NAV2: variants seen among roughly 807,000 people sequenced by gnomAD.
NAV2 encodes the protein neuron navigator 2.
NAV2 carries 54 observed loss-of-function variants against 223.2 expected under a neutral mutation model. The observed-to-expected ratio is 0.24, with a 90% confidence interval of 0.19 to 0.30. The LOEUF (loss-of-function observed/expected upper bound fraction) is 0.30. Among genes scored for constraint, NAV2 ranks in the 10% least tolerant of loss-of-function variants. The pLI is 1.00. For synonymous variants in NAV2, 1,279 were observed against 1,239.3 expected (o/e 1.03, Z -0.67); for missense variants, 2,806 against 3,147.5 (o/e 0.89, Z 2.60).
In NAV2 at chr11:20,113,815, C is replaced by T. The variant is rs1482258340; in HGVS notation, c.6961-777C>T. ...TTTGAGCCCAGAAGTTCAAGACCAG[C>T]CTGGGCAATATAGAGAGATCCCATC... On this transcript the variant is annotated intron_variant, in intron 36 of 37. Coordinates refer to ENST00000349880, the MANE Select transcript of NAV2 (RefSeq NM_145117.5). 4.2e-4 allele frequency among the ~76,000 whole-genome samples: 64 copies of T among 152,044 alleles called. 2 individuals carry two copies. Among genetic ancestry groups the T allele is most frequent in the Admixed American group, 4.2e-3 (64 of 15,264 alleles).
At chr11:19,360,573 C>T (rs1853877035) in intron 1 of NAV2, among the ~76,000 whole-genome samples, 3 of 152,212 alleles carry the variant, frequency 2.0e-5, no homozygotes, top group Admixed American at 2.0e-4. Context: ...CACCCAAGTT[C>T]TTTGTCTGTC....
At chr11:19,592,497 C>T (rs563949489) in intron 1 of NAV2, among the ~76,000 whole-genome samples, 4 of 152,164 alleles carry the variant, frequency 2.6e-5, no homozygotes, top group South Asian at 4.2e-4. Context: ...TTTGTCATTG[C>T]CCCCACTATG....
intron 1 of NAV2, among the ~76,000 whole-genome samples, chr11:19,821,700 T>C (rs1468464786): frequency 6.6e-6 from 1 of 152,248 alleles, no homozygotes; most frequent in Non-Finnish European, 1.5e-5. Flanking sequence ...TATGTTTGCT[T>C]TGTGCTTTGG....
intron 29 of NAV2, among the ~76,000 whole-genome samples, chr11:20,094,422 G>A (rs1300616174): frequency 1.3e-4 from 20 of 151,838 alleles, no homozygotes; most frequent in Admixed American, 1.2e-3. Context: ...TAGAGATGGG[G>A]TTTCACCATA....
chr11:19,597,793 C>A (rs990841436), intron 1 of NAV2, among the ~76,000 whole-genome samples: 1 of 152,182 alleles, frequency 6.6e-6, no homozygotes. Context: ...ATCGGGGATG[C>A]GTGAGGAATG....
intron 1 of NAV2, among the ~76,000 whole-genome samples, chr11:19,745,477 C>T (rs1037608896): frequency 2.0e-5 from 3 of 152,094 alleles, no homozygotes; most frequent in African/African-American, 4.8e-5. Flanking sequence ...TAGCCCTCCA[C>T]ACACCTGCTT....
chr11:19,579,940 T>C (rs938124542), intron 1 of NAV2, among the ~76,000 whole-genome samples: 1 of 152,236 alleles, frequency 6.6e-6, no homozygotes, highest in Non-Finnish European at 1.5e-5. Context: ...AGCCCAGCTA[T>C]GATCCTGGCA....
At position 19,605,680 on chromosome 11, in the gene NAV2, C is replaced by T. The variant is rs189860591; in HGVS notation, c.76-226804C>T. 3.6e-4 allele frequency among the ~76,000 whole-genome samples: 55 copies of T among 152,184 alleles called. No homozygotes were observed. In the East Asian group the frequency reaches 9.5e-3, roughly 26 times the overall value. ...ACAAAGCCTTCCTGGCATAGGCAGC[C>T]GCACTGCCTCCTGGACCTCATTTGT... On this transcript the variant is annotated intron_variant, in intron 1 of 37. Transcript: ENST00000360655.
intron 1 of NAV2, among the ~76,000 whole-genome samples, chr11:19,383,552 A>G (rs746143589): frequency 1.4e-4 from 22 of 152,194 alleles, no homozygotes; most frequent in Non-Finnish European, 2.8e-4. Flanking sequence ...CGTCTCTACC[A>G]CAGTAAAGAG....
At chr11:19,754,709 G>T (rs2054099305) in intron 1 of NAV2, among the ~76,000 whole-genome samples, 1 of 152,104 alleles carries the variant, frequency 6.6e-6, no homozygotes, top group East Asian at 1.9e-4. Flanking sequence ...TTGAACCAAA[G>T]GAATCCATGA....
chr11:19,347,489 C>G (rs953761883), upstream of NAV2, among the ~76,000 whole-genome samples: 2 of 152,164 alleles, frequency 1.3e-5, no homozygotes, highest in African/African-American at 4.8e-5. Context: ...GAGTTTGAAG[C>G]CTTTTGGAGG....
Position 20,045,160 on chromosome 11 carries a change from G to A in NAV2, c.3392G>A (p.Gly1131Asp). 1 of 1,614,134 alleles carries A rather than the reference G, an allele frequency of 6.2e-7. No homozygotes were observed. ...AAGAAGCAGAGTGGTTCCGCCGCCGGCCTGGCCATGATCACAGCCAGCGGG... is the reference window on the plus strand; with the variant it reads ...AAGAAGCAGAGTGGTTCCGCCGCCGACCTGGCCATGATCACAGCCAGCGGG... The part of the protein sequence containing the change: ...GFKKQSGSAA[G>D]LAMITASGVT... Residue 1131 changes from glycine (G) to aspartate (D), a missense_variant, in exon 14 of 38, where the codon GGC becomes GAC. Transcript: ENST00000349880.
At chr11:19,707,279 C>G (rs974071919) in intron 1 of NAV2, among the ~76,000 whole-genome samples, 5 of 152,186 alleles carry the variant, frequency 3.3e-5, no homozygotes, top group Non-Finnish European at 7.4e-5. Flanking sequence ...ACTTTATAAA[C>G]TTTTAAATTT....
At chr11:20,106,218 T>C (rs1338922472) in intron 35 of NAV2, among the ~76,000 whole-genome samples, 5 of 106,998 alleles carry the variant, frequency 4.7e-5, no homozygotes, top group African/African-American at 1.7e-4. Context: ...TATATATATA[T>C]ATATATATAT....
At chr11:19,879,011 T>C (rs2063033815) in intron 4 of NAV2, among the ~76,000 whole-genome samples, 1 of 152,124 alleles carries the variant, frequency 6.6e-6, no homozygotes, top group African/African-American at 2.4e-5. Flanking sequence ...AGGTTCCCTT[T>C]CCTCTGTCCC....
intron 11 of NAV2, among the ~76,000 whole-genome samples, chr11:19,992,703 T>C (rs1185361843): frequency 6.7e-6 from 1 of 148,246 alleles, no homozygotes; most frequent in Non-Finnish European, 1.5e-5. Context: ...TTCTTCTGCC[T>C]CAGCCTCCTG....
intron 1 of NAV2, among the ~76,000 whole-genome samples, chr11:19,537,073 TG>T (rs999286499): frequency 6.6e-6 from 1 of 152,186 alleles, no homozygotes; most frequent in Non-Finnish European, 1.5e-5. Flanking sequence ...AATGTCCTTG[TG>T]AGGTCTATGG....
At chr11:20,068,267 T>C in intron 21 of NAV2, 57 bp from the exon 22 acceptor site, 1 of 1,610,704 alleles carries the variant, frequency 6.2e-7, no homozygotes. Flanking sequence ...TATTTGACCC[T>C]GCTCACCTTG....
intron 1 of NAV2, among the ~76,000 whole-genome samples, chr11:19,651,936 T>C (rs1229182907): frequency 2.6e-5 from 4 of 152,158 alleles, no homozygotes; most frequent in Non-Finnish European, 5.9e-5. Context: ...GGATATGCTT[T>C]TTCTTTAAAC....
Sources: allele counts gnomAD v4.1 joint callset (sites outside exome capture counted in the v4.1 genomes callset), GRCh38; gene constraint gnomAD v4.1.1; transcripts MANE v1.5; gene names NCBI Gene and HGNC (gene_info 2026-07-23, HGNC 2026-07-21).